CCDC178: variants seen among roughly 807,000 people sequenced by gnomAD.
The protein encoded by CCDC178 is coiled-coil domain containing 178, also known as coiled-coil domain-containing protein 178.
Under a neutral mutation model 117.4 loss-of-function variants are expected in CCDC178, and 126 were observed. The ratio of observed to expected loss-of-function variants is 1.07; its 90% CI spans 0.93 to 1.24. The LOEUF is 1.24. Among genes scored for constraint, CCDC178 ranks in the 50% most tolerant of loss-of-function variants. CCDC178 has a pLI of 0.00. For synonymous variants in CCDC178, 283 were observed against 313.4 expected (o/e 0.90, Z 1.02); for missense variants, 1,030 against 986.9 (o/e 1.04, Z -0.59).
intron 6 of CCDC178, among the ~76,000 whole-genome samples, chr18:33,367,575 G>A (rs1190787399): frequency 6.6e-6 from 1 of 151,804 alleles, no homozygotes; most frequent in Non-Finnish European, 1.5e-5. Flanking sequence ...ATAATGGGAA[G>A]ATTTTTTTCT....
intron 6 of CCDC178, among the ~76,000 whole-genome samples, chr18:33,364,989 T>A (rs2144740662): frequency 6.6e-6 from 1 of 152,062 alleles, no homozygotes; most frequent in Non-Finnish European, 1.5e-5. Context: ...CCATCAGAGA[T>A]ATTTGGGGTT....
At chr18:33,122,091 G>T (rs1370526059) in intron 20 of CCDC178, among the ~76,000 whole-genome samples, 1 of 152,124 alleles carries the variant, frequency 6.6e-6, no homozygotes, top group East Asian at 1.9e-4. Flanking sequence ...CCTAATGAAA[G>T]ATTTCTGAGA....
intron 20 of CCDC178, among the ~76,000 whole-genome samples, chr18:33,100,281 C>T (rs1012374499): frequency 6.6e-6 from 1 of 152,004 alleles, no homozygotes; most frequent in Non-Finnish European, 1.5e-5. Flanking sequence ...GACATTATGA[C>T]ATTGCCTCTC....
chr18:33,275,931 C>T (rs951806085), intron 12 of CCDC178, among the ~76,000 whole-genome samples: 19 of 151,346 alleles, frequency 1.3e-4, no homozygotes, highest in African/African-American at 4.4e-4. Context: ...TATCTAATAA[C>T]CTTGATATAT....
Position 33,348,870 on chromosome 18 carries a change from A to G in CCDC178, c.457+20T>C. ...ACTTTTAAATATATACAGTTATTCA[A>G]GTAGGAGGAACAACTTTACCTCTCT... On this transcript the variant is annotated intron_variant, in intron 8 of 22. Coordinates refer to ENST00000383096, the MANE Select transcript of CCDC178 (RefSeq NM_001105528.4). 6.7e-7 allele frequency: 1 copy of G among 1,489,456 alleles called. No homozygotes were observed. The highest frequency in any genetic ancestry group is 9.4e-7 in the Non-Finnish European group (1 of 1,068,648). The allele number at this position is 1,489,456 out of a possible 1,614,324, so 92.3% of individuals were successfully genotyped here. A position where few individuals can be genotyped will look rare whatever the true frequency, so the allele number is the denominator to read the frequency against.
intron 14 of CCDC178, among the ~76,000 whole-genome samples, chr18:33,258,270 T>C (rs138288810): frequency 6.6e-6 from 1 of 152,226 alleles, no homozygotes; most frequent in East Asian, 1.9e-4. Flanking sequence ...CCAACATTTG[T>C]CTCTGTGAAT....
chr18:33,060,218 G>A lies in CCDC178; in HGVS notation c.2388+32543C>T, dbSNP rs919029297. 1.3e-4 allele frequency among the ~76,000 whole-genome samples: 20 copies of A among 152,026 alleles called. No individual in the cohort carries two copies. In the South Asian group the frequency reaches 1.7e-3, roughly 13 times the overall value. On this transcript the variant is annotated intron_variant, in intron 21 of 22. Coordinates refer to ENST00000383096, the MANE Select transcript of CCDC178 (RefSeq NM_001105528.4). Reference sequence around the variant, plus strand: ...GCCATTACAGCATCATTGGTAAAAGGAGCCAAATAACGAGTTTCTGGTTGA... The same window carrying A: ...GCCATTACAGCATCATTGGTAAAAGAAGCCAAATAACGAGTTTCTGGTTGA...
chr18:33,183,852 TAGCCTTTAGGA>T (rs2058758989), intron 20 of CCDC178, among the ~76,000 whole-genome samples: 1 of 152,110 alleles, frequency 6.6e-6, no homozygotes, highest in Non-Finnish European at 1.5e-5. Context: ...TGTGTTCAGG[TAGCCTTTAGGA>T]AGCAACAGAA....
At chr18:33,224,348 T>C (rs1428480464) in intron 17 of CCDC178, among the ~76,000 whole-genome samples, 1 of 152,194 alleles carries the variant, frequency 6.6e-6, no homozygotes, top group Non-Finnish European at 1.5e-5. Context: ...AAATATTTTA[T>C]CAACATTTGC....
chr18:32,995,993 A>C (rs1312755392), intron 21 of CCDC178, among the ~76,000 whole-genome samples: 1 of 151,570 alleles, frequency 6.6e-6, no homozygotes. Context: ...ACACACACAC[A>C]CCCCTAAGTG....
chr18:33,197,733 C>T (rs1208188765), intron 20 of CCDC178, among the ~76,000 whole-genome samples: 1 of 151,818 alleles, frequency 6.6e-6, no homozygotes, highest in Non-Finnish European at 1.5e-5. Flanking sequence ...TTTCAGAATT[C>T]AACTCTAAAC....
intron 21 of CCDC178, among the ~76,000 whole-genome samples, chr18:32,994,230 T>C (rs1317014387): frequency 6.6e-6 from 1 of 152,154 alleles, no homozygotes; most frequent in Non-Finnish European, 1.5e-5. Flanking sequence ...TTCTCCAAAC[T>C]TACTGCCATT....
intron 2 of CCDC178, among the ~76,000 whole-genome samples, chr18:33,412,793 C>T (rs771169960): frequency 1.4e-4 from 21 of 152,244 alleles, no homozygotes; most frequent in Non-Finnish European, 2.8e-4. Context: ...ATTTGTCTCA[C>T]ATTTTCTGTT....
At chr18:33,251,888 A>C (rs1489212185) in intron 14 of CCDC178, among the ~76,000 whole-genome samples, 1 of 151,900 alleles carries the variant, frequency 6.6e-6, no homozygotes, top group South Asian at 2.1e-4. Flanking sequence ...CTGCTGGTTT[A>C]GTTAGGGATA....
At chr18:33,320,591 G>A (rs1388434319) in intron 11 of CCDC178, among the ~76,000 whole-genome samples, 4 of 152,046 alleles carry the variant, frequency 2.6e-5, no homozygotes, top group Non-Finnish European at 5.9e-5. Context: ...TGAAATAAAA[G>A]AGGACACAAA....
At chr18:33,112,897 T>C (rs2057803652) in intron 20 of CCDC178, among the ~76,000 whole-genome samples, 1 of 151,954 alleles carries the variant, frequency 6.6e-6, no homozygotes, top group South Asian at 2.1e-4. Flanking sequence ...TCATGCTGAT[T>C]AAAATGCACA....
chr18:33,146,486 T>A (rs1343766649), intron 20 of CCDC178, among the ~76,000 whole-genome samples: 1 of 152,122 alleles, frequency 6.6e-6, no homozygotes, highest in Non-Finnish European at 1.5e-5. Flanking sequence ...CAGACCTTGT[T>A]TCTGCAAAAA....
chr18:33,139,767 A>T (rs1385157487), intron 20 of CCDC178, among the ~76,000 whole-genome samples: 1 of 152,136 alleles, frequency 6.6e-6, no homozygotes, highest in Non-Finnish European at 1.5e-5. Context: ...AGAAAAACCC[A>T]TTTTCTGAGG....
At chr18:33,349,306 A>T (rs941529247) in intron 7 of CCDC178, among the ~76,000 whole-genome samples, 1 of 151,920 alleles carries the variant, frequency 6.6e-6, no homozygotes, top group African/African-American at 2.4e-5. Context: ...TGGATGAATG[A>T]TTTCTGTAAT....
Sources: allele counts gnomAD v4.1 joint callset (sites outside exome capture counted in the v4.1 genomes callset), GRCh38; gene constraint gnomAD v4.1.1; transcripts MANE v1.5; gene names NCBI Gene and HGNC (gene_info 2026-07-23, HGNC 2026-07-21).